The following MAF variants were observed in gnomAD, a reference collection of about 807,000 sequenced individuals.
MAF encodes transcription factor Maf.
A neutral mutation model predicts 22.0 loss-of-function variants in MAF; 10 were observed. That is an observed-to-expected ratio of 0.45 (90% CI 0.28 to 0.77). MAF has a LOEUF of 0.77. Among genes scored for constraint, MAF ranks in the 30% least tolerant of loss-of-function variants. The pLI is 0.12. For missense variants in MAF, 544 were observed against 548.4 expected (o/e 0.99, Z 0.08); for synonymous variants, 337 against 255.8 (o/e 1.32, Z -3.03).
At chr16:79,500,116 C>A in the MAF span, among the ~76,000 whole-genome samples, 1 of 152,222 alleles carries the variant, frequency 6.6e-6, no homozygotes, top group Non-Finnish European at 1.5e-5. Context: ...CATGACCCCG[C>A]TGACACCTCA....
the MAF span, among the ~76,000 whole-genome samples, chr16:79,279,667 C>T: frequency 2.0e-5 from 3 of 152,186 alleles, no homozygotes; most frequent in South Asian, 2.1e-4. Context: ...GGGCAAGGAC[C>T]GTGGCCAGTT....
chr16:79,454,995 C>G, the MAF span, among the ~76,000 whole-genome samples: 1 of 151,914 alleles, frequency 6.6e-6, no homozygotes, highest in African/African-American at 2.4e-5. Context: ...ACTCTGGAGG[C>G]TGAGGCAGGA....
the MAF span, among the ~76,000 whole-genome samples, chr16:79,531,141 T>C: frequency 5.3e-5 from 8 of 152,352 alleles, no homozygotes; most frequent in African/African-American, 1.7e-4. Context: ...ACATGAGACA[T>C]TTTAATTCTG....
chr16:79,279,055 T>C, the MAF span, among the ~76,000 whole-genome samples: 1 of 152,190 alleles, frequency 6.6e-6, no homozygotes, highest in Non-Finnish European at 1.5e-5. Flanking sequence ...ATTCTGAATA[T>C]ATTTTATCAT....
chr16:79,406,251 T>C, the MAF span, among the ~76,000 whole-genome samples: 1 of 152,216 alleles, frequency 6.6e-6, no homozygotes, highest in Non-Finnish European at 1.5e-5. Context: ...TCAGGGTCTG[T>C]TTCAGGCAGT....
chr16:79,536,401 G>C, the MAF span, among the ~76,000 whole-genome samples: 3 of 152,214 alleles, frequency 2.0e-5, no homozygotes, highest in Non-Finnish European at 4.4e-5. Flanking sequence ...CCAGCACTTG[G>C]GGAGGCCGAG....
chr16:79,560,373 C>A, the MAF span, among the ~76,000 whole-genome samples: 1 of 149,986 alleles, frequency 6.7e-6, no homozygotes, highest in Non-Finnish European at 1.5e-5. Flanking sequence ...TTAAGTTGAA[C>A]AAATACAATG....
chr16:79,296,411 C>A, the MAF span, among the ~76,000 whole-genome samples: 1 of 152,062 alleles, frequency 6.6e-6, no homozygotes, highest in African/African-American at 2.4e-5. Context: ...ATAGCTAATG[C>A]ATGCGGGGTG....
chr16:79,400,418 C>A, the MAF span, among the ~76,000 whole-genome samples: 4 of 152,244 alleles, frequency 2.6e-5, no homozygotes, highest in African/African-American at 9.6e-5. Context: ...TCCAACCCCA[C>A]AAGGTCTTAG....
the MAF span, among the ~76,000 whole-genome samples, chr16:79,468,836 C>T: frequency 3.9e-5 from 6 of 152,160 alleles, no homozygotes; most frequent in African/African-American, 1.4e-4. Context: ...CTATTCTTGT[C>T]CTTGGTCAGG....
intron 1 of MAF, chr16:79,595,687 C>T: frequency 9.5e-7 from 1 of 1,057,924 alleles, no homozygotes; most frequent in Non-Finnish European, 1.1e-6. Context: ...GGGGTAAATA[C>T]CAGTAAATCA....
chr16:79,318,094 G>A, the MAF span, among the ~76,000 whole-genome samples: 39 of 152,274 alleles, frequency 2.6e-4, no homozygotes, highest in East Asian at 6.0e-3. Flanking sequence ...AATATGTCTT[G>A]AGCACTTATA....
At chr16:79,308,097 T>C in the MAF span, among the ~76,000 whole-genome samples, 2 of 152,224 alleles carry the variant, frequency 1.3e-5, no homozygotes, top group Admixed American at 6.5e-5. Flanking sequence ...AGGGTCAGAC[T>C]GTGTCATATC....
chr16:79,314,789 G>T, the MAF span, among the ~76,000 whole-genome samples: 55 of 152,262 alleles, frequency 3.6e-4, no homozygotes, highest in African/African-American at 1.3e-3. Flanking sequence ...TTCTACCCAC[G>T]ATGCACCTCT....
chr16:79,502,464 G>A, the MAF span, among the ~76,000 whole-genome samples: 2 of 151,810 alleles, frequency 1.3e-5, no homozygotes, highest in African/African-American at 2.4e-5. Flanking sequence ...TCACAAATTC[G>A]AGACCACTCT....
the MAF span, among the ~76,000 whole-genome samples, chr16:79,381,175 T>A: frequency 6.6e-6 from 1 of 152,128 alleles, no homozygotes; most frequent in African/African-American, 2.4e-5. Flanking sequence ...TTCAACAGCA[T>A]GTGCCTGCTT....
At chr16:79,360,052 G>T in the MAF span, among the ~76,000 whole-genome samples, 4 of 152,266 alleles carry the variant, frequency 2.6e-5, no homozygotes, top group East Asian at 7.7e-4. Context: ...TGGCTTTCAG[G>T]TTCATGCAAG....
At chr16:79,514,017 T>C in the MAF span, among the ~76,000 whole-genome samples, 1 of 152,094 alleles carries the variant, frequency 6.6e-6, no homozygotes, top group Non-Finnish European at 1.5e-5. Flanking sequence ...AAGAGGAACA[T>C]TTAATATCTG....
chr16:79,523,031 A>T, the MAF span, among the ~76,000 whole-genome samples: 1 of 152,342 alleles, frequency 6.6e-6, no homozygotes, highest in African/African-American at 2.4e-5. Context: ...TTACTTCATG[A>T]TAATAGCATA....
Sources: gnomAD v4.1 joint callset for allele counts (sites outside exome capture counted in the v4.1 genomes callset) on GRCh38, gnomAD v4.1.1 for gene constraint, MANE v1.5 for transcripts, NCBI Gene and HGNC (gene_info 2026-07-23, HGNC 2026-07-21) for gene names.